Variants in FAM193A observed in about 807,000 individuals in gnomAD.
FAM193A encodes protein FAM193A.
Under a neutral mutation model 126.5 loss-of-function variants are expected in FAM193A, and 22 were observed. The ratio of observed to expected loss-of-function variants is 0.17; its 90% CI spans 0.12 to 0.25. FAM193A has a LOEUF of 0.25. Ranked by LOEUF, FAM193A falls within the 10% of genes least tolerant of loss-of-function variation. FAM193A has a pLI of 1.00. For missense variants in FAM193A, 1,675 were observed against 1,672.8 expected, an observed-to-expected ratio of 1.00 and a Z score of -0.02; for synonymous variants, 761 against 646.8, an observed-to-expected ratio of 1.18 and a Z score of -2.68.
chr4:2,632,226 G>A (rs574086617), intron 5 of FAM193A, among the ~76,000 whole-genome samples: 1 of 152,150 alleles, frequency 6.6e-6, no homozygotes, highest in Non-Finnish European at 1.5e-5. Context: ...GTAAGCATTG[G>A]CCTTGGTCTT....
At chr4:2,608,223 G>T in intron 2 of FAM193A, 1 of 1,108,980 alleles carries the variant, frequency 9.0e-7, no homozygotes, top group Non-Finnish European at 1.3e-6. Flanking sequence ...GTCTCGCCCA[G>T]TATGGAGTGC....
chr4:2,697,383 G>A (rs748707521), intron 18 of FAM193A, among the ~76,000 whole-genome samples: 2 of 152,138 alleles, frequency 1.3e-5, no homozygotes, highest in Admixed American at 6.5e-5. Flanking sequence ...TTCTCTTGGA[G>A]GATTGTCTAA....
intron 1 of FAM193A, among the ~76,000 whole-genome samples, chr4:2,585,150 T>A (rs980803759): frequency 2.6e-5 from 4 of 152,234 alleles, no homozygotes; most frequent in African/African-American, 9.6e-5. Flanking sequence ...CATTCTACAG[T>A]TTATGGGTTA....
chr4:2,721,307 C>T (rs1368487376), intron 20 of FAM193A, among the ~76,000 whole-genome samples: 10 of 84,074 alleles, frequency 1.2e-4, no homozygotes, highest in Admixed American at 4.0e-4. Context: ...AGCAAGACTC[C>T]GTCTCAAAAA....
intron 1 of FAM193A, among the ~76,000 whole-genome samples, chr4:2,558,273 GAAAAAAAAAAA>G (rs527575996): frequency 9.7e-6 from 1 of 103,240 alleles, no homozygotes; most frequent in African/African-American, 3.6e-5. Flanking sequence ...CATCTCAAAT[GAAAAAAAAAAA>G]AAAGGAAAGA....
intron 1 of FAM193A, among the ~76,000 whole-genome samples, chr4:2,569,150 T>C (rs1238782853): frequency 6.6e-6 from 1 of 151,782 alleles, no homozygotes; most frequent in Non-Finnish European, 1.5e-5. Context: ...TTTTGTATAT[T>C]AGTAGAGATG....
chr4:2,573,385 C>T (rs1309154717), intron 1 of FAM193A, among the ~76,000 whole-genome samples: 3 of 152,038 alleles, frequency 2.0e-5, no homozygotes, highest in East Asian at 3.9e-4. Context: ...TGGTGACGGG[C>T]ACCTGTAATC....
chr4:2,632,302 A>G (rs909904724), intron 5 of FAM193A, among the ~76,000 whole-genome samples: 9 of 152,160 alleles, frequency 5.9e-5, no homozygotes, highest in Admixed American at 3.3e-4. Flanking sequence ...GTGGTGGCTC[A>G]TACCTGTAAT....
intron 6 of FAM193A, among the ~76,000 whole-genome samples, chr4:2,643,332 A>C (rs1007997851): frequency 6.7e-6 from 1 of 150,024 alleles, no homozygotes; most frequent in Admixed American, 6.6e-5. Context: ...TCTGCATCCT[A>C]TGAAATACAT....
intron 1 of FAM193A, among the ~76,000 whole-genome samples, chr4:2,565,509 G>C (rs1457981803): frequency 2.6e-5 from 4 of 152,040 alleles, no homozygotes; most frequent in African/African-American, 9.7e-5. Context: ...ACCTGCCTCA[G>C]CCTCCCAGAG....
chr4:2,599,498 C>A (rs958257424), intron 2 of FAM193A, among the ~76,000 whole-genome samples: 5 of 152,180 alleles, frequency 3.3e-5, no homozygotes, highest in African/African-American at 1.2e-4. Context: ...TTGCTGTCTT[C>A]TAGATAAGCA....
chr4:2,688,281 C>A (rs974503094), intron 13 of FAM193A, among the ~76,000 whole-genome samples: 1 of 152,066 alleles, frequency 6.6e-6, no homozygotes, highest in Non-Finnish European at 1.5e-5. Context: ...GTGGTAAGTG[C>A]TAAGAGGGAA....
At chr4:2,622,024 G>A (rs1306799863) in intron 2 of FAM193A, among the ~76,000 whole-genome samples, 1 of 152,084 alleles carries the variant, frequency 6.6e-6, no homozygotes, top group Non-Finnish European at 1.5e-5. Flanking sequence ...GGAAATGAAG[G>A]TGGGCGGATC....
intron 1 of FAM193A, among the ~76,000 whole-genome samples, chr4:2,542,697 A>G (rs534434880): frequency 2.1e-4 from 32 of 152,154 alleles, no homozygotes; most frequent in South Asian, 1.0e-3. Context: ...TTCTGGCCCT[A>G]TGGTTCCCAG....
intron 20 of FAM193A, among the ~76,000 whole-genome samples, chr4:2,725,797 G>C (rs1480742254): frequency 6.6e-6 from 1 of 151,214 alleles, no homozygotes; most frequent in African/African-American, 2.4e-5. Context: ...CTGGACCCTT[G>C]ACCTCCCAGG....
At chr4:2,684,133 T>C (rs1371659720) in intron 13 of FAM193A, among the ~76,000 whole-genome samples, 1 of 152,210 alleles carries the variant, frequency 6.6e-6, no homozygotes, top group Non-Finnish European at 1.5e-5. Context: ...ATCCATGTTA[T>C]CTCCATGTTC....
intron 1 of FAM193A, among the ~76,000 whole-genome samples, chr4:2,549,399 T>C (rs1247669675): frequency 1.1e-4 from 15 of 137,752 alleles, no homozygotes; most frequent in Middle Eastern, 3.5e-3. Flanking sequence ...TTTTTTCTTT[T>C]TTTTTTTTTT....
chr4:2,585,780 T>C (rs1343920886), intron 1 of FAM193A, among the ~76,000 whole-genome samples: 1 of 152,092 alleles, frequency 6.6e-6, no homozygotes, highest in Non-Finnish European at 1.5e-5. Flanking sequence ...ATACAGAAAT[T>C]AGCTGGGTGT....
At chr4:2,711,214 G>T (rs1718930639) in intron 19 of FAM193A, among the ~76,000 whole-genome samples, 1 of 151,986 alleles carries the variant, frequency 6.6e-6, no homozygotes, top group South Asian at 2.1e-4. Flanking sequence ...TAGAAATTCA[G>T]TTCATTTTGT....
Sources: allele counts gnomAD v4.1 joint callset (sites outside exome capture counted in the v4.1 genomes callset), GRCh38; gene constraint gnomAD v4.1.1; transcripts MANE v1.5; gene names NCBI Gene and HGNC (gene_info 2026-07-23, HGNC 2026-07-21).